The following L3HYPDH variants were observed in gnomAD, a reference collection of about 807,000 sequenced individuals.
L3HYPDH encodes trans-3-hydroxy-L-proline dehydratase.
A neutral mutation model predicts 26.5 loss-of-function variants in L3HYPDH; 32 were observed. The ratio of observed to expected loss-of-function variants is 1.21; its 90% CI spans 0.91 to 1.62. The LOEUF (loss-of-function observed/expected upper bound fraction) is 1.62. Ranked by LOEUF, L3HYPDH falls within the 40% of genes most tolerant of loss-of-function variation. The probability of loss-of-function intolerance (pLI) is 0.00; values close to 1 mark genes in which losing one functional copy is unlikely to be tolerated. For missense variants in L3HYPDH, 554 were observed against 476.4 expected (o/e 1.16, Z -1.52); for synonymous variants, 215 against 196.6 (o/e 1.09, Z -0.78).
chr14:59,475,385 AT>A (rs1889560565), intron 4 of L3HYPDH, among the ~76,000 whole-genome samples: 1 of 152,182 alleles, frequency 6.6e-6, no homozygotes, highest in Admixed American at 6.5e-5. Flanking sequence ...ATAACCCATT[AT>A]ACATTAACAT....
At chr14:59,486,838 T>C (rs1890618089), upstream of L3HYPDH, 1 of 1,303,290 alleles carries the variant, frequency 7.7e-7, no homozygotes, top group Admixed American at 2.3e-5. Flanking sequence ...TTTCATTTTG[T>C]AAAATCTATT....
At position 59,483,804 on chromosome 14, in the gene L3HYPDH, A is replaced by G. The variant is rs367623510; in HGVS notation, c.508+5T>C. The G allele has an allele frequency of 1.8e-5, 29 of 1,592,528 alleles. No homozygotes were observed. In the African/African-American group the frequency reaches 3.9e-4, roughly 21 times the overall value. ...GCCCTGGGCTGGAAAGGTCCCGCCC[A>G]TTACCTGTGGCCAGCACGAAGGCCG... is the stretch of plus-strand genomic sequence containing the variant. On this transcript the variant is annotated splice_donor_5th_base_variant and intron_variant, in intron 1 of 4. Transcript: ENST00000247194.
chr14:59,501,417 C>T, the L3HYPDH span: 1 of 581,128 alleles, frequency 1.7e-6, no homozygotes, highest in Non-Finnish European at 2.9e-6. Context: ...GGCTTGTTAA[C>T]TTTATGAAAA....
At chr14:59,479,653 C>T (rs933099283) in intron 1 of L3HYPDH, among the ~76,000 whole-genome samples, 8 of 152,140 alleles carry the variant, frequency 5.3e-5, no homozygotes, top group African/African-American at 1.9e-4. Flanking sequence ...ACCCCTGAGG[C>T]CGAGAGAGGG....
intron 1 of L3HYPDH, 71 bp from the exon 2 acceptor site, chr14:59,479,422 T>A: frequency 7.4e-7 from 1 of 1,343,308 alleles, no homozygotes; most frequent in Non-Finnish European, 1.0e-6. Flanking sequence ...ATTCAAAGGA[T>A]TTTTAATATG....
Position 59,473,075 on chromosome 14 carries a change from C to T in L3HYPDH, c.955G>A (p.Asp319Asn). Reference sequence around the variant, plus strand: ...ACTTCCACTATAACAGCTTTAAAATCACCACATTTCGCTTCCTGAAAAAAG... The same window carrying T: ...ACTTCCACTATAACAGCTTTAAAATTACCACATTTCGCTTCCTGAAAAAAG... ...GKAVREAKCGDFKAVIVEVSG... is the reference protein window; with the variant it reads ...GKAVREAKCGNFKAVIVEVSG... Residue 319 changes from aspartate to asparagine, a missense_variant, in exon 5 of 5, where the codon GAT becomes AAT. By Grantham distance (23) the Asp-to-Asn change is conservative. Transcript: ENST00000247194. 6.3e-7 allele frequency: 1 copy of T among 1,592,682 alleles called. No individual in the cohort carries two copies. The highest frequency in any genetic ancestry group is 1.4e-5 in the African/African-American group (1 of 73,208).
chr14:59,503,997 A>G, the L3HYPDH span: 2 of 1,613,844 alleles, frequency 1.2e-6, no homozygotes, highest in Non-Finnish European at 8.5e-7. Flanking sequence ...TACCTACACC[A>G]GCCCTTTTTT....
At chr14:59,492,964 AT>A in the L3HYPDH span, among the ~76,000 whole-genome samples, 11 of 151,700 alleles carry the variant, frequency 7.3e-5, no homozygotes, top group Non-Finnish European at 1.2e-4. Context: ...CGCCCGGCCA[AT>A]TTTTTTGTAT....
the L3HYPDH span, among the ~76,000 whole-genome samples, chr14:59,500,677 G>C: frequency 2.0e-5 from 3 of 152,174 alleles, no homozygotes; most frequent in East Asian, 5.8e-4. Flanking sequence ...AAAATTATTT[G>C]ACCATTTTTT....
chr14:59,492,740 G>T, the L3HYPDH span, among the ~76,000 whole-genome samples: 10 of 151,706 alleles, frequency 6.6e-5, no homozygotes, highest in Middle Eastern at 3.4e-3. Flanking sequence ...TTAAGTCTTT[G>T]CCCAAAGTAT....
chr14:59,474,586 T>C (rs937147667), intron 4 of L3HYPDH: 2 of 695,430 alleles, frequency 2.9e-6, no homozygotes, highest in African/African-American at 3.5e-5. Flanking sequence ...ATATAATGCT[T>C]AACAGCATGT....
chr14:59,466,070 T>C (rs1889166425), intron 1 of L3HYPDH, among the ~76,000 whole-genome samples: 1 of 152,168 alleles, frequency 6.6e-6, no homozygotes, highest in South Asian at 2.1e-4. Context: ...CCGTAGGTGA[T>C]TCTGATACAG....
At chr14:59,480,396 A>G (rs1044624825) in intron 1 of L3HYPDH, among the ~76,000 whole-genome samples, 1 of 152,196 alleles carries the variant, frequency 6.6e-6, no homozygotes, top group Non-Finnish European at 1.5e-5. Flanking sequence ...TGGGGCAGCC[A>G]ATGCTCCTGC....
the L3HYPDH span, chr14:59,504,257 G>C: frequency 1.7e-6 from 1 of 596,384 alleles, no homozygotes; most frequent in Admixed American, 3.0e-5. Context: ...GCAAAACTCT[G>C]TAATACTCTG....
At chr14:59,474,345 A>C in intron 4 of L3HYPDH, 1 of 559,722 alleles carries the variant, frequency 1.8e-6, no homozygotes, top group Non-Finnish European at 3.1e-6. Flanking sequence ...AAAGCAGCTT[A>C]GAGTCAGGAG....
chr14:59,492,620 C>T, the L3HYPDH span, among the ~76,000 whole-genome samples: 1 of 152,176 alleles, frequency 6.6e-6, no homozygotes, highest in African/African-American at 2.4e-5. Context: ...GTATCATAAG[C>T]AGTGTTGCCT....
downstream of L3HYPDH, among the ~76,000 whole-genome samples, chr14:59,468,750 CA>C (rs1274269448): frequency 6.6e-6 from 1 of 152,028 alleles, no homozygotes; most frequent in Non-Finnish European, 1.5e-5. Flanking sequence ...TGCCAACATA[CA>C]AAAAAATATT....
chr14:59,496,932 T>A, the L3HYPDH span, among the ~76,000 whole-genome samples: 1,792 of 151,996 alleles, frequency 0.012, 27 homozygotes, highest in African/African-American at 0.042. Flanking sequence ...ATTCTAAATA[T>A]AAATGTATGG....
Position 59,472,918 on chromosome 14 carries a change from G to A in L3HYPDH, c.*47C>T. On this transcript the variant is annotated 3_prime_UTR_variant, in exon 5 of 5. Transcript: ENST00000247194. Reference sequence around the variant, plus strand: ...ATAATTTAGAGAAAACAGTCCTTAAGGATAATGATTACTTTAAAAAGAAAG... The same window carrying A: ...ATAATTTAGAGAAAACAGTCCTTAAAGATAATGATTACTTTAAAAAGAAAG... The A allele has an allele frequency of 6.6e-7, 1 of 1,515,042 alleles. No homozygotes were observed. The highest frequency in any genetic ancestry group is 8.9e-7 in the Non-Finnish European group (1 of 1,128,808). 93.8% of individuals were successfully genotyped at this position (1,515,042 alleles called of 1,614,324 possible). A position where few individuals can be genotyped will look rare whatever the true frequency, so the allele number is the denominator to read the frequency against.
Sources: allele counts gnomAD v4.1 joint callset (sites outside exome capture counted in the v4.1 genomes callset), GRCh38; gene constraint gnomAD v4.1.1; transcripts MANE v1.5; gene names NCBI Gene and HGNC (gene_info 2026-07-23, HGNC 2026-07-21).